The following OSBPL1A variants were observed in gnomAD, a reference collection of about 807,000 sequenced individuals.
OSBPL1A encodes the protein oxysterol-binding protein-related protein 1.
A neutral mutation model predicts 137.1 loss-of-function variants in OSBPL1A; 80 were observed. That is an observed-to-expected ratio of 0.58 (90% CI 0.49 to 0.70). OSBPL1A has a LOEUF of 0.70. OSBPL1A is among the 30% of genes least tolerant of loss of function. The pLI, the probability that OSBPL1A is intolerant of heterozygous loss-of-function variation, is 0.00. For missense variants in OSBPL1A, 970 were observed against 1,129.4 expected (o/e 0.86, Z 2.02); for synonymous variants, 365 against 389.7 (o/e 0.94, Z 0.75).
chr18:24,377,634 C>T (rs1906287559), intron 1 of OSBPL1A, 99 bp from the exon 2 acceptor site: 3 of 1,242,306 alleles, frequency 2.4e-6, no homozygotes, highest in Admixed American at 3.0e-5. Flanking sequence ...CCTCATTTTG[C>T]AGCTGATAAG....
chr18:24,309,675 A>G (rs2090576985), intron 13 of OSBPL1A, among the ~76,000 whole-genome samples: 1 of 152,218 alleles, frequency 6.6e-6, no homozygotes, highest in Admixed American at 6.5e-5. Context: ...CTGACAAGCT[A>G]TGATTCAACA....
At chr18:24,337,818 A>G (rs1353830909) in intron 5 of OSBPL1A, among the ~76,000 whole-genome samples, 1 of 151,538 alleles carries the variant, frequency 6.6e-6, no homozygotes, top group African/African-American at 2.4e-5. Context: ...ATCGAGCACT[A>G]TATTTTGATT....
At chr18:24,238,555 C>A (rs2088572591) in intron 16 of OSBPL1A, among the ~76,000 whole-genome samples, 2 of 152,232 alleles carry the variant, frequency 1.3e-5, no homozygotes, top group South Asian at 4.1e-4. Context: ...TTAGTCATCA[C>A]ACGACCTATT....
chr18:24,164,238 A>G (rs912986763), intron 27 of OSBPL1A, among the ~76,000 whole-genome samples: 9 of 152,164 alleles, frequency 5.9e-5, no homozygotes, highest in African/African-American at 2.2e-4. Context: ...AAAATGTTCA[A>G]CATCACTAAT....
intron 5 of OSBPL1A, among the ~76,000 whole-genome samples, chr18:24,336,381 T>C (rs183090609): frequency 2.0e-4 from 30 of 152,314 alleles, no homozygotes; most frequent in African/African-American, 6.3e-4. Context: ...TTAGATTATG[T>C]TCCTGTCCTG....
At chr18:24,316,028 A>T (rs1237592965) in intron 11 of OSBPL1A, among the ~76,000 whole-genome samples, 2 of 150,246 alleles carry the variant, frequency 1.3e-5, no homozygotes, top group Non-Finnish European at 2.9e-5. Flanking sequence ...TGGTAGGCCA[A>T]GGCAGGAGGA....
rs1281168100 is a variant in OSBPL1A at position 24,377,462 on chromosome 18, T to C, written c.72A>G (p.Leu24=). The C allele has an allele frequency of 1.9e-6, 3 of 1,612,702 alleles. No individual in the cohort carries two copies. Among genetic ancestry groups the C allele is most frequent in the East Asian group, 2.2e-5 (1 of 44,866 alleles). Residue 24 remains leucine, a synonymous_variant, in exon 2 of 28, where the codon CTA becomes CTG. Transcript: ENST00000319481. The part of the protein sequence containing the change: ...RNGNAEEVRQ[L]LETMARNEVI... ...CTTCATTCCTCGCCATGGTCTCTAA[T>C]AGTTGTCTTACTTCTTCAGCATTGC...
chr18:24,345,391 TAAGG>T (rs1335612133), intron 4 of OSBPL1A, among the ~76,000 whole-genome samples: 1 of 152,102 alleles, frequency 6.6e-6, no homozygotes, highest in Non-Finnish European at 1.5e-5. Context: ...AATCAGGTGT[TAAGG>T]AAGTTGAAAG....
At chr18:24,391,071 C>T (rs989306664) in intron 1 of OSBPL1A, among the ~76,000 whole-genome samples, 10 of 152,056 alleles carry the variant, frequency 6.6e-5, no homozygotes, top group Non-Finnish European at 1.3e-4. Flanking sequence ...CTTTGCACTA[C>T]AGCCTGGGCG....
chr18:24,197,573 T>C (rs2087071223), intron 17 of OSBPL1A, among the ~76,000 whole-genome samples: 1 of 152,114 alleles, frequency 6.6e-6, no homozygotes, highest in East Asian at 1.9e-4. Flanking sequence ...CACTGCTCAT[T>C]TGGCAGATAT....
chr18:24,337,214 C>G (rs2091189205), intron 5 of OSBPL1A, among the ~76,000 whole-genome samples: 1 of 152,090 alleles, frequency 6.6e-6, no homozygotes, highest in South Asian at 2.1e-4. Flanking sequence ...TCAATATCGG[C>G]CAGGTGGCAA....
At chr18:24,163,349 G>T in intron 27 of OSBPL1A, 68 bp from the exon 28 acceptor site, 2 of 1,164,610 alleles carry the variant, frequency 1.7e-6, no homozygotes, top group Non-Finnish European at 2.5e-6. Flanking sequence ...TTCTTCACTA[G>T]TTTGCAGTAT....
At chr18:24,284,916 G>A (rs1366838689) in intron 14 of OSBPL1A, among the ~76,000 whole-genome samples, 2 of 152,188 alleles carry the variant, frequency 1.3e-5, no homozygotes, top group East Asian at 3.9e-4. Context: ...AAATATCACT[G>A]TGGAGAATGG....
chr18:24,181,004 C>A, intron 19 of OSBPL1A, 141 bp downstream of exon 19: 1 of 997,822 alleles, frequency 1.0e-6, no homozygotes, highest in South Asian at 1.7e-5. Flanking sequence ...AGAGGACAGT[C>A]CAGACATGCG....
rs112423819 is a variant in OSBPL1A at position 24,234,073 on chromosome 18, T to C, written c.1444+5147A>G. Among the ~76,000 whole-genome samples the C allele has an allele frequency of 4.8e-3, 724 of 152,298 alleles. 5 individuals carry two copies. The highest frequency in any genetic ancestry group is 0.017 in the African/African-American group (693 of 41,570). On this transcript the variant is annotated intron_variant, in intron 16 of 27. Coordinates refer to ENST00000319481, the MANE Select transcript of OSBPL1A (RefSeq NM_080597.4). Reference sequence around the variant, plus strand: ...AAGGCTACCCAGGAGAAGAGGTATTTGAGAGCCTTGGTGGACAAAGTAGCA... The same window carrying C: ...AAGGCTACCCAGGAGAAGAGGTATTCGAGAGCCTTGGTGGACAAAGTAGCA...
intron 5 of OSBPL1A, 141 bp downstream of exon 5, chr18:24,341,406 C>G (rs1324543457): frequency 3.3e-6 from 2 of 613,642 alleles, no homozygotes; most frequent in East Asian, 5.7e-5. Flanking sequence ...TGTGTTTAAT[C>G]AATGACTCCA....
intron 1 of OSBPL1A, among the ~76,000 whole-genome samples, chr18:24,393,717 T>C (rs1907533072): frequency 6.6e-6 from 1 of 152,210 alleles, no homozygotes; most frequent in Non-Finnish European, 1.5e-5. Flanking sequence ...CCTCCCAAAG[T>C]GCTGGGATTA....
intron 13 of OSBPL1A, among the ~76,000 whole-genome samples, chr18:24,306,921 C>G (rs1334957004): frequency 1.3e-5 from 2 of 152,010 alleles, no homozygotes; most frequent in African/African-American, 4.8e-5. Context: ...TAGCACTTAT[C>G]TCTAAGTCTT....
chr18:24,171,658 T>C (rs1015897413), intron 22 of OSBPL1A, among the ~76,000 whole-genome samples, 160 bp from the exon 23 acceptor site: 1 of 152,208 alleles, frequency 6.6e-6, no homozygotes, highest in Non-Finnish European at 1.5e-5. Flanking sequence ...CAATTGGTAA[T>C]CTTCCCACCA....
Sources: gnomAD v4.1 joint callset for allele counts (sites outside exome capture counted in the v4.1 genomes callset) on GRCh38, gnomAD v4.1.1 for gene constraint, MANE v1.5 for transcripts, NCBI Gene and HGNC (gene_info 2026-07-23, HGNC 2026-07-21) for gene names.